MGAT4C: variants seen among roughly 807,000 people sequenced by gnomAD.
The protein encoded by MGAT4C is alpha-1,3-mannosyl-glycoprotein 4-beta-N-acetylglucosaminyltransferase C.
MGAT4C carries 19 observed loss-of-function variants against 40.1 expected under a neutral mutation model. The ratio of observed to expected loss-of-function variants is 0.47; its 90% CI spans 0.33 to 0.70. MGAT4C has a LOEUF of 0.70. Among genes scored for constraint, MGAT4C ranks in the 30% least tolerant of loss-of-function variants. The pLI is 0.02. For synonymous variants in MGAT4C, 181 were observed against 187.1 expected, an observed-to-expected ratio of 0.97 and a Z score of 0.27; for missense variants, 491 against 563.2, an observed-to-expected ratio of 0.87 and a Z score of 1.30.
intron 2 of MGAT4C, among the ~76,000 whole-genome samples, chr12:86,037,184 T>C (rs1313279908): frequency 6.7e-6 from 1 of 150,184 alleles, no homozygotes; most frequent in Non-Finnish European, 1.5e-5. Flanking sequence ...CTCTCTTTTC[T>C]TCTTTATTAG....
chr12:86,445,057 C>T (rs928625154), intron 2 of MGAT4C, among the ~76,000 whole-genome samples: 3 of 152,078 alleles, frequency 2.0e-5, no homozygotes, highest in Admixed American at 2.0e-4. Context: ...TGAGGAATTG[C>T]AAAGGATCAC....
chr12:86,407,752 G>C (rs1034474405), intron 3 of MGAT4C, among the ~76,000 whole-genome samples: 1 of 152,018 alleles, frequency 6.6e-6, no homozygotes, highest in African/African-American at 2.4e-5. Flanking sequence ...GGTTCATTTA[G>C]TACATACTCG....
intron 2 of MGAT4C, among the ~76,000 whole-genome samples, chr12:86,624,684 C>T (rs1962745618): frequency 6.6e-6 from 1 of 151,986 alleles, no homozygotes; most frequent in African/African-American, 2.4e-5. Flanking sequence ...TCTTTAGTTT[C>T]CCCACATAGA....
At chr12:86,465,846 C>CT (rs1441716498) in intron 2 of MGAT4C, among the ~76,000 whole-genome samples, 2 of 152,074 alleles carry the variant, frequency 1.3e-5, no homozygotes, top group Non-Finnish European at 2.9e-5. Flanking sequence ...TAAACATTCT[C>CT]TTACCATATA....
At chr12:86,241,202 T>C (rs1951769638) in intron 1 of MGAT4C, among the ~76,000 whole-genome samples, 1 of 152,182 alleles carries the variant, frequency 6.6e-6, no homozygotes, top group Admixed American at 6.5e-5. Context: ...ACAGTAATGA[T>C]TATTTTTGTT....
At chr12:86,442,538 G>A (rs1957252036) in intron 2 of MGAT4C, among the ~76,000 whole-genome samples, 1 of 151,988 alleles carries the variant, frequency 6.6e-6, no homozygotes, top group Admixed American at 6.6e-5. Flanking sequence ...GTAAGGAAGG[G>A]ATCCAGTTTC....
At position 85,975,774 on chromosome 12, in the gene MGAT4C, G is replaced by A. The variant is rs903595727; in HGVS notation, c.*3515C>T. ...AAAATCAGTTGAATTTGTACAAAAC[G>A]GTAAATCATTTTATCAGTAGATCCC... On this transcript the variant is annotated 3_prime_UTR_variant, in exon 5 of 5. Transcript: ENST00000611864. 1.1e-4 allele frequency: 16 copies of A among 150,728 alleles called. No homozygotes were observed. Among genetic ancestry groups the A allele is most frequent in the African/African-American group, 3.4e-4 (14 of 41,258 alleles). 9.3% of individuals were successfully genotyped at this position (150,728 alleles called of 1,614,324 possible).
intron 3 of MGAT4C, among the ~76,000 whole-genome samples, chr12:86,421,037 A>T (rs1339089500): frequency 6.6e-6 from 1 of 152,060 alleles, no homozygotes; most frequent in African/African-American, 2.4e-5. Flanking sequence ...TAGTAATAAA[A>T]TATAGTGAGA....
intron 1 of MGAT4C, among the ~76,000 whole-genome samples, chr12:86,130,591 A>T (rs563414198): frequency 6.6e-6 from 1 of 152,212 alleles, no homozygotes; most frequent in Admixed American, 6.5e-5. Context: ...GCTGATACAA[A>T]TTCATATGTA....
chr12:86,772,329 T>A (rs1312726668), intron 1 of MGAT4C, among the ~76,000 whole-genome samples: 3 of 152,132 alleles, frequency 2.0e-5, no homozygotes, highest in Non-Finnish European at 4.4e-5. Context: ...ACACCCAGCT[T>A]GTACTGAAGA....
At chr12:86,080,748 G>T (rs1870685159) in intron 1 of MGAT4C, among the ~76,000 whole-genome samples, 1 of 152,026 alleles carries the variant, frequency 6.6e-6, no homozygotes. Context: ...AAAAAAAGGA[G>T]GGACTTATTA....
chr12:86,056,708 C>T (rs1279887008), intron 1 of MGAT4C, among the ~76,000 whole-genome samples: 2 of 152,036 alleles, frequency 1.3e-5, no homozygotes, highest in Non-Finnish European at 2.9e-5. Flanking sequence ...GTGCATGTGT[C>T]TTTATAGTAG....
chr12:86,298,363 A>C (rs77016049), intron 4 of MGAT4C, among the ~76,000 whole-genome samples: 2,699 of 152,270 alleles, frequency 0.018, 30 homozygotes, highest in Non-Finnish European at 0.027. Flanking sequence ...CAGGTTTGTC[A>C]TGAGATGGCA....
At chr12:86,263,824 C>G (rs1952719172) in intron 4 of MGAT4C, among the ~76,000 whole-genome samples, 1 of 152,114 alleles carries the variant, frequency 6.6e-6, no homozygotes, top group Admixed American at 6.5e-5. Context: ...TCTCTAAATT[C>G]TCACTAAAAT....
intron 3 of MGAT4C, among the ~76,000 whole-genome samples, chr12:86,430,824 G>T (rs1957023087): frequency 1.3e-5 from 2 of 152,176 alleles, no homozygotes; most frequent in South Asian, 4.1e-4. Flanking sequence ...TGGCTATGTT[G>T]AGAGGATTTG....
rs564967264 is a variant in MGAT4C, at chr12:86,472,604, T to A, written c.-228-37339A>T. Among the ~76,000 whole-genome samples, 354 of 152,244 alleles carry A rather than the reference T, an allele frequency of 2.3e-3. 5 individuals carry two copies. The highest frequency in any genetic ancestry group is 8.2e-3 in the African/African-American group (340 of 41,544). ...TAACTAAAATCTTACTATTATAGAT[T>A]TTTTTTCTTCTAGCTTAAAAGTTCC... On this transcript the variant is annotated intron_variant, in intron 2 of 7. Coordinates refer to the MGAT4C transcript ENST00000548651.
intron 2 of MGAT4C, among the ~76,000 whole-genome samples, chr12:86,686,699 T>C (rs1368188127): frequency 6.6e-6 from 1 of 152,186 alleles, no homozygotes; most frequent in African/African-American, 2.4e-5. Context: ...TTGATCATGG[T>C]GGATAAGCTT....
chr12:86,230,327 T>G (rs2452811), intron 1 of MGAT4C, among the ~76,000 whole-genome samples: 103,836 of 151,870 alleles, frequency 0.68, 36,215 homozygotes, highest in East Asian at 0.95. Context: ...AGAAAAAATA[T>G]TAATGAACAG....
chr12:86,535,626 A>G (rs1328682468), intron 2 of MGAT4C, among the ~76,000 whole-genome samples: 1 of 152,116 alleles, frequency 6.6e-6, no homozygotes, highest in Non-Finnish European at 1.5e-5. Context: ...GATACATTAT[A>G]TAATGAGAAA....
Sources: allele counts gnomAD v4.1 joint callset (sites outside exome capture counted in the v4.1 genomes callset), GRCh38; gene constraint gnomAD v4.1.1; transcripts MANE v1.5; gene names NCBI Gene and HGNC (gene_info 2026-07-23, HGNC 2026-07-21).